PDE6A: variants seen among roughly 807,000 people sequenced by gnomAD.
The protein encoded by PDE6A is phosphodiesterase 6A.
A neutral mutation model predicts 106.3 loss-of-function variants in PDE6A; 84 were observed. The observed-to-expected ratio is 0.79, with a 90% CI of 0.66 to 0.95. PDE6A has a LOEUF of 0.95. PDE6A is among the 40% of genes least tolerant of loss of function. The probability of loss-of-function intolerance (pLI) is 0.00; values close to 1 mark genes in which losing one functional copy is unlikely to be tolerated. For synonymous variants in PDE6A, 394 were observed against 386.6 expected (o/e 1.02, Z -0.23); for missense variants, 1,052 against 1,084.9 (o/e 0.97, Z 0.43).
At position 149,867,769 on chromosome 5, in the gene PDE6A, C is replaced by T. The variant is rs754930835; in HGVS notation, c.2230G>A (p.Glu744Lys). 3 of 1,613,722 alleles carry T rather than the reference C, an allele frequency of 1.9e-6. No homozygotes were observed. The highest frequency in any genetic ancestry group is 1.1e-5 in the South Asian group (1 of 91,054). Residue 744 changes from glutamate to lysine, a missense_variant, in exon 19 of 22, where the codon GAA becomes AAA. By Grantham distance (56) the Glu-to-Lys change is moderately conservative. Transcript: ENST00000255266. ...ACCGTGCGCTCCAGGTCACCTTGTT[C>T]CCAGAATTCAGCAGCCACCAGCAGA... ...VALLVAAEFWEQGDLERTVLQ... is the reference protein window; with the variant it reads ...VALLVAAEFWKQGDLERTVLQ...
chr5:149,884,674 G>T, intron 15 of PDE6A, 95 bp from the exon 16 acceptor site: 1 of 1,429,712 alleles, frequency 7.0e-7, no homozygotes, highest in Non-Finnish European at 9.9e-7. Flanking sequence ...GGCAGAGGCA[G>T]CCCAGGCCAA....
intron 20 of PDE6A, among the ~76,000 whole-genome samples, chr5:149,864,549 A>G (rs1158594867): frequency 6.6e-6 from 1 of 152,206 alleles, no homozygotes; most frequent in African/African-American, 2.4e-5. Context: ...TGATTCTTAA[A>G]GGCTCTTACA....
chr5:149,914,763 A>G (rs1257095289), intron 6 of PDE6A, among the ~76,000 whole-genome samples, 180 bp downstream of exon 6: 1 of 151,714 alleles, frequency 6.6e-6, no homozygotes, highest in South Asian at 2.1e-4. Flanking sequence ...AATGATTAAC[A>G]TGTTCTTTGA....
chr5:149,905,764 C>T (rs3776057), intron 7 of PDE6A, among the ~76,000 whole-genome samples: 7,615 of 152,306 alleles, frequency 0.05, 314 homozygotes, highest in East Asian at 0.21. Context: ...ATTCTCATCA[C>T]CTCTTACTTG....
chr5:149,910,251 C>T (rs1359457123), intron 6 of PDE6A, among the ~76,000 whole-genome samples: 2 of 152,076 alleles, frequency 1.3e-5, no homozygotes, highest in Admixed American at 6.6e-5. Context: ...TTAGCATTTG[C>T]ATGGTATGTC....
intron 5 of PDE6A, among the ~76,000 whole-genome samples, chr5:149,915,791 A>T (rs1240105938): frequency 6.6e-6 from 1 of 152,204 alleles, no homozygotes; most frequent in Admixed American, 6.5e-5. Context: ...AATTCTTTGC[A>T]TGCCTGGCTG....
chr5:149,868,386 C>T lies in PDE6A; in HGVS notation c.2136-228G>A, dbSNP rs116624956. Among the ~76,000 whole-genome samples, 1,104 of 152,322 alleles carry T rather than the reference C, an allele frequency of 7.2e-3. 13 individuals carry two copies. The highest frequency in any genetic ancestry group is 0.026 in the African/African-American group (1,062 of 41,562). The stretch of plus-strand genomic sequence containing the variant: ...TTGGACACTGGGCAACTACACCAAC[C>T]TCTCTGAGCCTCCATTTCCCTGTCT... On this transcript the variant is annotated intron_variant, in intron 17 of 21. Coordinates refer to ENST00000255266, the MANE Select transcript of PDE6A (RefSeq NM_000440.3).
chr5:149,900,169 C>T (rs1458815856), intron 8 of PDE6A, among the ~76,000 whole-genome samples: 1 of 151,652 alleles, frequency 6.6e-6, no homozygotes, highest in Non-Finnish European at 1.5e-5. Flanking sequence ...GCCTGAAGAA[C>T]ATGGTAAAAC....
chr5:149,870,955 AAAGAAAAG>A (rs1436355193), intron 17 of PDE6A, among the ~76,000 whole-genome samples: 1 of 152,092 alleles, frequency 6.6e-6, no homozygotes, highest in Admixed American at 6.6e-5. Flanking sequence ...AGAGAAAAGA[AAAGAAAAG>A]AAAAAAAGAA....
chr5:149,875,299 C>T (rs1760698476), intron 17 of PDE6A, among the ~76,000 whole-genome samples: 2 of 152,076 alleles, frequency 1.3e-5, no homozygotes, highest in South Asian at 4.1e-4. Context: ...GTTGCCAGCC[C>T]CAAATGTCAA....
intron 10 of PDE6A, among the ~76,000 whole-genome samples, chr5:149,897,540 A>G (rs1265242688): frequency 1.3e-5 from 2 of 152,206 alleles, no homozygotes; most frequent in Non-Finnish European, 2.9e-5. Context: ...TTGTTGTGGT[A>G]TCTTCCCAGC....
Position 149,859,447 on chromosome 5 carries a change from C to T in PDE6A, c.*1448G>A, listed in dbSNP as rs1269810843. On this transcript the variant is annotated 3_prime_UTR_variant, in exon 22 of 22. Transcript: ENST00000255266. ...CTTAGTCTGCAGGATGCTTATTAAG[C>T]AGTGCCCTGGGGACCGATGCTTGGG... The T allele has an allele frequency of 6.6e-6, 1 of 152,238 alleles. No individual in the cohort carries two copies. The highest frequency in any genetic ancestry group is 2.4e-5 in the African/African-American group (1 of 41,442). The allele number at this position is 152,238 out of a possible 1,614,324, so 9.4% of individuals were successfully genotyped here.
At chr5:149,904,568 C>T (rs1258460827) in intron 7 of PDE6A, among the ~76,000 whole-genome samples, 3 of 152,126 alleles carry the variant, frequency 2.0e-5, no homozygotes, top group Non-Finnish European at 4.4e-5. Context: ...TGACCTTGAC[C>T]TTTCTTTAGT....
At position 149,861,515 on chromosome 5, in the gene PDE6A, T is replaced by C. The variant is rs180679759; in HGVS notation, c.2507-544A>G. 2.5e-4 allele frequency among the ~76,000 whole-genome samples: 38 copies of C among 152,278 alleles called. No individual in the cohort carries two copies. The East Asian group carries it at 6.9e-3, about 28-fold the overall frequency. On this transcript the variant is annotated intron_variant, in intron 21 of 21. Transcript: ENST00000255266. ...AAATACAAAAATTGGCCAGGCATGGTTGCATACACCTGAAGTCCCAGCTGC... is the reference window on the plus strand; with the variant it reads ...AAATACAAAAATTGGCCAGGCATGGCTGCATACACCTGAAGTCCCAGCTGC...
At chr5:149,867,850 C>T in intron 18 of PDE6A, 51 bp from the exon 19 acceptor site, 1 of 1,542,550 alleles carries the variant, frequency 6.5e-7, no homozygotes, top group Non-Finnish European at 8.9e-7. Flanking sequence ...CAGCCCAATC[C>T]CCTACCCCTG....
In PDE6A at chr5:149,944,425, C is replaced by T; in HGVS notation, c.249G>A (p.Lys83=). The part of the protein sequence containing the change: ...QTEKCIFNVM[K]KLCFLLQADR... The stretch of plus-strand genomic sequence containing the variant: ...CTGCCTGCAGGAGGAAGCACAGCTT[C>T]TTCATGACATTGAAGATGCATTTCT... The change falls in exon 1 of 22, where the codon AAG becomes AAA. Residue 83 remains lysine (K), a synonymous_variant. Transcript: ENST00000255266. 6.2e-7 allele frequency: 1 copy of T among 1,614,128 alleles called. No homozygotes were observed. Among genetic ancestry groups the T allele is most frequent in the Non-Finnish European group, 8.5e-7 (1 of 1,180,026 alleles).
chr5:149,928,940 A>C (rs1390260632), intron 4 of PDE6A, among the ~76,000 whole-genome samples: 1 of 152,224 alleles, frequency 6.6e-6, no homozygotes, highest in African/African-American at 2.4e-5. Context: ...GTTGATAACA[A>C]AAGAGATAAA....
At chr5:149,935,450 G>A (rs73269786) in intron 1 of PDE6A, among the ~76,000 whole-genome samples, 74 of 152,266 alleles carry the variant, frequency 4.9e-4, no homozygotes, top group African/African-American at 1.7e-3. Flanking sequence ...CCCATTCTAC[G>A]AATCTTAGTA....
chr5:149,909,952 A>G (rs530963418), intron 6 of PDE6A, among the ~76,000 whole-genome samples: 2 of 152,292 alleles, frequency 1.3e-5, no homozygotes, highest in East Asian at 3.9e-4. Context: ...AAATTCATTA[A>G]TTGGATTATT....
Sources: allele counts gnomAD v4.1 joint callset (sites outside exome capture counted in the v4.1 genomes callset), GRCh38; gene constraint gnomAD v4.1.1; transcripts MANE v1.5; gene names NCBI Gene and HGNC (gene_info 2026-07-23, HGNC 2026-07-21).